The following NCKAP1 variants were observed in gnomAD, a reference collection of about 807,000 sequenced individuals.
NCKAP1 encodes NCK associated protein 1, also known as nck-associated protein 1.
NCKAP1 carries 21 observed loss-of-function variants against 151.2 expected under a neutral mutation model. The ratio of observed to expected loss-of-function variants is 0.14; its 90% CI spans 0.10 to 0.20. The LOEUF (loss-of-function observed/expected upper bound fraction) is 0.20. Ranked by LOEUF, NCKAP1 falls within the 10% of genes least tolerant of loss-of-function variation. The probability of loss-of-function intolerance (pLI) is 1.00; values close to 1 mark genes in which losing one functional copy is unlikely to be tolerated. For synonymous variants in NCKAP1, 484 were observed against 451.8 expected (o/e 1.07, Z -0.90); for missense variants, 933 against 1,352.1 (o/e 0.69, Z 4.86).
At chr2:182,935,660 T>TATAATATAACTTTATATAAATTATATTA (rs1696858570) in intron 24 of NCKAP1, among the ~76,000 whole-genome samples, 1 of 151,770 alleles carries the variant, frequency 6.6e-6, no homozygotes, top group African/African-American at 2.4e-5. Flanking sequence ...AAATTATATT[T>TATAATATAACTTTATATAAATTATATTA]ATAATATAAC....
At chr2:183,025,063 C>A (rs185521564) in intron 1 of NCKAP1, 48 of 1,478,614 alleles carry the variant, frequency 3.2e-5, no homozygotes, top group South Asian at 7.1e-5. Context: ...CTATGATATA[C>A]GTTTCAGAAG....
chr2:182,994,640 AAAAAAAAAG>A (rs1388689862), intron 8 of NCKAP1, among the ~76,000 whole-genome samples, 190 bp downstream of exon 8: 10 of 150,428 alleles, frequency 6.6e-5, no homozygotes, highest in African/African-American at 4.9e-5. Flanking sequence ...CCTCATCTCA[AAAAAAAAAG>A]AAAAAAAAGA....
chr2:182,930,210 C>T (rs1225143527), intron 27 of NCKAP1, among the ~76,000 whole-genome samples: 3 of 151,900 alleles, frequency 2.0e-5, no homozygotes, highest in Non-Finnish European at 4.4e-5. Context: ...CCTTAATCTC[C>T]CTTACTCACT....
intron 8 of NCKAP1, among the ~76,000 whole-genome samples, chr2:182,992,570 G>C (rs576532710): frequency 1.3e-5 from 2 of 152,230 alleles, no homozygotes; most frequent in Admixed American, 6.5e-5. Context: ...ACACAACCGA[G>C]CAAGATCAAA....
At chr2:183,025,669 TATC>T (rs1389767243) in intron 1 of NCKAP1, among the ~76,000 whole-genome samples, 1 of 152,204 alleles carries the variant, frequency 6.6e-6, no homozygotes, top group Non-Finnish European at 1.5e-5. Context: ...TTGAGTAGAC[TATC>T]ATTTCTTTAA....
chr2:182,964,902 G>T, intron 16 of NCKAP1, 94 bp from the exon 17 acceptor site: 1 of 944,618 alleles, frequency 1.1e-6, no homozygotes, highest in Non-Finnish European at 1.5e-6. Context: ...GTGAATGAAT[G>T]ATAACTGGTA....
intron 2 of NCKAP1, among the ~76,000 whole-genome samples, chr2:183,010,989 T>C (rs1472955749): frequency 1.3e-5 from 2 of 152,230 alleles, no homozygotes; most frequent in Admixed American, 6.5e-5. Context: ...ATCATTGTAA[T>C]TGATAATTAT....
intron 8 of NCKAP1, among the ~76,000 whole-genome samples, chr2:182,991,254 T>C (rs1234427079): frequency 6.6e-6 from 1 of 152,164 alleles, no homozygotes; most frequent in Non-Finnish European, 1.5e-5. Context: ...AAAAGGCAAA[T>C]GAATTTAAAA....
Position 183,038,128 on chromosome 2 carries a change from G to C in NCKAP1, c.-29C>G. ...GGTGCTGGTGCCGCCGCCGCCGCCG[G>C]CCGCCTCGCGCCCAGTCACGGGCCC... On this transcript the variant is annotated 5_prime_UTR_variant, in exon 1 of 31. Coordinates refer to ENST00000361354, the MANE Select transcript of NCKAP1 (RefSeq NM_013436.5). 6.7e-7 allele frequency: 1 copy of C among 1,490,776 alleles called. No individual in the cohort carries two copies. The allele number at this position is 1,490,776 out of a possible 1,614,324, so 92.3% of individuals were successfully genotyped here. A position where few individuals can be genotyped will look rare whatever the true frequency, so the allele number is the denominator to read the frequency against.
intron 13 of NCKAP1, among the ~76,000 whole-genome samples, chr2:182,979,729 C>A (rs1697900269): frequency 1.3e-5 from 2 of 152,056 alleles, no homozygotes; most frequent in South Asian, 4.1e-4. Flanking sequence ...ATATACTTTG[C>A]AACAGAAGAG....
chr2:182,934,559 TGACTTTCAAAATGCCTAGGTA>T, intron 26 of NCKAP1, 172 bp downstream of exon 26: 3 of 464,426 alleles, frequency 6.5e-6, no homozygotes, highest in Non-Finnish European at 1.1e-5. Flanking sequence ...CAAAGAAGAC[TGACTTTCAAAATGCCTAGGTA>T]GTATTTTGGT....
rs534826329 is a variant in NCKAP1, at chr2:182,952,680, C to T, written c.2503+113G>A. ...AATTCTAAGATACAATATGCAGTTA[C>T]GCATATAATTGAATGAAATAGTCAC... On this transcript the variant is annotated intron_variant, in intron 22 of 30. Transcript: ENST00000361354. 411 of 1,185,158 alleles carry T rather than the reference C, an allele frequency of 3.5e-4. 1 individual carries two copies. The highest frequency in any genetic ancestry group is 4.9e-4 in the African/African-American group (32 of 64,674). 73.4% of individuals were successfully genotyped at this position (1,185,158 alleles called of 1,614,324 possible).
At chr2:182,988,111 A>G (rs1698093253) in intron 9 of NCKAP1, among the ~76,000 whole-genome samples, 1 of 152,206 alleles carries the variant, frequency 6.6e-6, no homozygotes, top group African/African-American at 2.4e-5. Flanking sequence ...AACCTCTCCA[A>G]GACACAGATA....
rs549985253 is a variant in NCKAP1 at position 182,912,320 on chromosome 2, T to C, written c.*13382A>G. ...CTAAAAATCAACCAACTATAAACAG[T>C]TACCACAGTTCTGTTTTTGCCAGTG... is the stretch of plus-strand genomic sequence containing the variant. On this transcript the variant is annotated 3_prime_UTR_variant, in exon 31 of 31. Transcript: ENST00000361354. 1 of 152,324 alleles carries C rather than the reference T, an allele frequency of 6.6e-6. No homozygotes were observed. The highest frequency in any genetic ancestry group is 2.1e-4 in the South Asian group (1 of 4,826). 9.4% of individuals were successfully genotyped at this position (152,324 alleles called of 1,614,324 possible).
At chr2:182,974,152 C>T (rs1173262690) in intron 15 of NCKAP1, among the ~76,000 whole-genome samples, 1 of 151,638 alleles carries the variant, frequency 6.6e-6, no homozygotes, top group Non-Finnish European at 1.5e-5. Context: ...GATTCTGGAC[C>T]CTGCCTGCTA....
At chr2:182,945,567 T>C (rs556708884) in intron 23 of NCKAP1, among the ~76,000 whole-genome samples, 2 of 152,350 alleles carry the variant, frequency 1.3e-5, no homozygotes, top group East Asian at 1.9e-4. Flanking sequence ...TACAATATTT[T>C]CAGAGGGATA....
At chr2:182,950,058 G>GA (rs1697183829) in intron 23 of NCKAP1, among the ~76,000 whole-genome samples, 1 of 152,150 alleles carries the variant, frequency 6.6e-6, no homozygotes, top group Non-Finnish European at 1.5e-5. Context: ...GGTGACATAT[G>GA]AAAAATACAT....
Position 182,956,536 on chromosome 2 carries a change from T to G in NCKAP1, c.2079A>C (p.Pro693=). The G allele has an allele frequency of 6.2e-7, 1 of 1,610,730 alleles. No homozygotes were observed. The highest frequency in any genetic ancestry group is 8.5e-7 in the Non-Finnish European group (1 of 1,178,132). ...AGGTATGTTCCCATACCACCATGTTTGGTACATAATTTATAGAGAAGCATA... is the reference window on the plus strand; with the variant it reads ...AGGTATGTTCCCATACCACCATGTTGGGTACATAATTTATAGAGAAGCATA... The part of the protein sequence containing the change: ...SELCFSINYV[P]NMVVWEHTFT... Residue 693 remains proline (P), a synonymous_variant, in exon 20 of 31, where the codon CCA becomes CCC. Coordinates refer to ENST00000361354, the MANE Select transcript of NCKAP1 (RefSeq NM_013436.5).
chr2:182,953,995 G>A (rs1469593510), intron 20 of NCKAP1, among the ~76,000 whole-genome samples: 1 of 152,086 alleles, frequency 6.6e-6, no homozygotes. Flanking sequence ...ACTGTTAGGT[G>A]CCAGTAGTTT....
Sources: allele counts gnomAD v4.1 joint callset (sites outside exome capture counted in the v4.1 genomes callset), GRCh38; gene constraint gnomAD v4.1.1; transcripts MANE v1.5; gene names NCBI Gene and HGNC (gene_info 2026-07-23, HGNC 2026-07-21).